Variants in ZNF592 observed in about 807,000 individuals in gnomAD.
ZNF592 encodes spinocerebellar ataxia, autosomal recessive 5.
ZNF592 carries 11 observed loss-of-function variants against 80.3 expected under a neutral mutation model. The observed-to-expected ratio is 0.14, with a 90% CI of 0.09 to 0.23. ZNF592 has a LOEUF of 0.23. ZNF592 is among the 10% of genes least tolerant of loss of function. The pLI is 1.00. For synonymous variants in ZNF592, 646 were observed against 640.3 expected (o/e 1.01, Z -0.13); for missense variants, 1,420 against 1,633.9 (o/e 0.87, Z 2.26).
intron 2 of ZNF592, among the ~76,000 whole-genome samples, chr15:84,773,898 A>G (rs748784986): frequency 3.9e-5 from 6 of 152,338 alleles, no homozygotes; most frequent in African/African-American, 4.8e-5. Flanking sequence ...ACACGTAGCT[A>G]TGGACACACA....
At chr15:84,759,998 G>A (rs1213071130) in intron 1 of ZNF592, among the ~76,000 whole-genome samples, 1 of 136,758 alleles carries the variant, frequency 7.3e-6, no homozygotes, top group Non-Finnish European at 1.5e-5. Flanking sequence ...TATGTGCTTA[G>A]TTTAGAAAAT....
chr15:84,776,263 GCC>G (rs1029050498), intron 2 of ZNF592, among the ~76,000 whole-genome samples: 2 of 152,264 alleles, frequency 1.3e-5, no homozygotes. Context: ...CTGAGTGACT[GCC>G]CCCAGGCAAG....
intron 5 of ZNF592, among the ~76,000 whole-genome samples, chr15:84,796,751 AG>A (rs1182595175): frequency 6.6e-6 from 1 of 152,096 alleles, no homozygotes; most frequent in Non-Finnish European, 1.5e-5. Context: ...ACAAATTGGT[AG>A]GGAGAAAAAA....
At chr15:84,757,071 C>G (rs28505836) in intron 1 of ZNF592, among the ~76,000 whole-genome samples, 2,765 of 152,038 alleles carry the variant, frequency 0.018, 45 homozygotes, top group African/African-American at 0.04. Flanking sequence ...CGACATTACG[C>G]CAGTGTACTC....
intron 1 of ZNF592, among the ~76,000 whole-genome samples, chr15:84,754,012 G>T (rs952191842): frequency 8.5e-5 from 13 of 152,192 alleles, no homozygotes; most frequent in African/African-American, 2.9e-4. Flanking sequence ...GAGGATCAGA[G>T]TGCTACTTCA....
intron 5 of ZNF592, 77 bp from the exon 6 acceptor site, chr15:84,797,792 C>T: frequency 6.5e-7 from 1 of 1,540,400 alleles, no homozygotes; most frequent in Non-Finnish European, 9.0e-7. Flanking sequence ...TTCTCCATCC[C>T]TCCTCTTGCA....
At chr15:84,786,636 T>G (rs561736226) in intron 4 of ZNF592, among the ~76,000 whole-genome samples, 55 of 152,096 alleles carry the variant, frequency 3.6e-4, no homozygotes, top group Non-Finnish European at 7.4e-4. Context: ...CTGCTCTGTT[T>G]CAGTTTGCAT....
Position 84,806,041 on chromosome 15 carries a change from T to A in ZNF592, c.*3648T>A, listed in dbSNP as rs1878683595. 6.6e-6 allele frequency: 1 copy of A among 152,650 alleles called. No individual in the cohort carries two copies. The highest frequency in any genetic ancestry group is 1.5e-5 in the Non-Finnish European group (1 of 68,040). The allele number at this position is 152,650 out of a possible 1,614,324, so 9.5% of individuals were successfully genotyped here. On this transcript the variant is annotated 3_prime_UTR_variant, in exon 11 of 11. Coordinates refer to ENST00000560079, the MANE Select transcript of ZNF592 (RefSeq NM_014630.3). ...GATTATTCCAAATTCATACATTGGGTCAGAGTAATTCTTTAAAAGTTCCTT... is the reference window on the plus strand; with the variant it reads ...GATTATTCCAAATTCATACATTGGGACAGAGTAATTCTTTAAAAGTTCCTT...
At chr15:84,753,925 C>T (rs546140570) in intron 1 of ZNF592, among the ~76,000 whole-genome samples, 62 of 152,284 alleles carry the variant, frequency 4.1e-4, no homozygotes, top group Non-Finnish European at 7.2e-4. Context: ...GCATCTGGTC[C>T]AGCGGCCTCC....
At chr15:84,790,054 C>T (rs1455875675) in intron 4 of ZNF592, among the ~76,000 whole-genome samples, 1 of 152,132 alleles carries the variant, frequency 6.6e-6, no homozygotes, top group Non-Finnish European at 1.5e-5. Context: ...GGTATGTTTG[C>T]TTAGCTGTGG....
chr15:84,801,037 T>C (rs55698868), intron 10 of ZNF592, among the ~76,000 whole-genome samples: 18,588 of 152,268 alleles, frequency 0.12, 1,529 homozygotes, highest in Middle Eastern at 0.29. Context: ...AAAGCATGCA[T>C]ATACTGGGTG....
intron 1 of ZNF592, among the ~76,000 whole-genome samples, chr15:84,760,938 G>A (rs1397297451): frequency 6.6e-6 from 1 of 151,634 alleles, no homozygotes; most frequent in Admixed American, 6.6e-5. Context: ...CCCAGGGCTT[G>A]GACCTAATAT....
Position 84,783,183 on chromosome 15 carries a change from C to T in ZNF592, c.508C>T (p.Pro170Ser), listed in dbSNP as rs945843866. ...IKPKHSDSYFPPPLGCGAVGG... is the reference protein window; with the variant it reads ...IKPKHSDSYFSPPLGCGAVGG... ...GCCCAAACACTCTGACAGTTATTTC[C>T]CACCCCCTCTTGGGTGCGGGGCTGT... The change falls in exon 4 of 11, where the codon CCA (proline) becomes TCA (serine). Residue 170 changes from proline to serine, a missense_variant. This residue lies in a region of ZNF592 where 373 missense variants were observed against 355.5 expected (regional missense o/e 1.05). Transcript: ENST00000560079. This position sits in a 1 kb window ranked among gnomAD's most constrained non-coding sequence, Gnocchi z 5.0. The T allele has an allele frequency of 6.2e-7, 1 of 1,614,154 alleles. No individual in the cohort carries two copies. The highest frequency in any genetic ancestry group is 8.5e-7 in the Non-Finnish European group (1 of 1,180,036).
intron 10 of ZNF592, among the ~76,000 whole-genome samples, chr15:84,800,658 G>A (rs773592480): frequency 2.6e-4 from 40 of 152,186 alleles, no homozygotes; most frequent in Non-Finnish European, 4.4e-4. Flanking sequence ...CCTTTCATGC[G>A]TAGTAGCTGG....
At chr15:84,776,472 T>A (rs1467895763) in intron 2 of ZNF592, among the ~76,000 whole-genome samples, 1 of 152,232 alleles carries the variant, frequency 6.6e-6, no homozygotes, top group Non-Finnish European at 1.5e-5. Context: ...TTAATGATTT[T>A]TGGCTGGGTG....
chr15:84,786,273 C>A (rs899170864), intron 4 of ZNF592, among the ~76,000 whole-genome samples: 2 of 152,162 alleles, frequency 1.3e-5, no homozygotes, highest in Non-Finnish European at 2.9e-5. Context: ...GAGAGTGGGG[C>A]TAAACCAAGG....
At chr15:84,748,905 C>A in intron 1 of ZNF592, among the ~76,000 whole-genome samples, 1 of 149,470 alleles carries the variant, frequency 6.7e-6, no homozygotes, top group Non-Finnish European at 1.5e-5. Context: ...TCCGCCGCTG[C>A]GACCGCCGCT....
At position 84,799,001 on chromosome 15, in the gene ZNF592, AG is replaced by A. The variant is rs1421153731; in HGVS notation, c.3025-96del. 6.3e-7 allele frequency: 1 copy of A among 1,588,814 alleles called. No individual in the cohort carries two copies. Among genetic ancestry groups the A allele is most frequent in the African/African-American group, 1.3e-5 (1 of 74,364 alleles). ...TACCACAGATCTTGAGGTCTTCGGG[AG>A]TATCCTCCTTTCTGCCCATGGCATC... On this transcript the variant is annotated intron_variant, in intron 8 of 10. Coordinates refer to ENST00000560079, the MANE Select transcript of ZNF592 (RefSeq NM_014630.3). This position sits in a 1 kb window ranked among gnomAD's most constrained non-coding sequence, Gnocchi z 4.2.
chr15:84,790,612 C>T, intron 4 of ZNF592, 93 bp from the exon 5 acceptor site: 4 of 1,317,794 alleles, frequency 3.0e-6, no homozygotes, highest in Non-Finnish European at 4.4e-6. Context: ...AGGGGTTATT[C>T]TGACCCATGT....
Sources: gnomAD v4.1 joint callset for allele counts (sites outside exome capture counted in the v4.1 genomes callset) on GRCh38, gnomAD v4.1.1 for gene constraint, gnomAD v4.1.1 regional missense constraint, Gnocchi (gnomAD v3.1) non-coding constraint, MANE v1.5 for transcripts, NCBI Gene and HGNC (gene_info 2026-07-23, HGNC 2026-07-21) for gene names.